STK4: variants seen among roughly 807,000 people sequenced by gnomAD.
STK4 encodes the protein serine/threonine-protein kinase 4.
A neutral mutation model predicts 64.9 loss-of-function variants in STK4; 30 were observed. The ratio of observed to expected loss-of-function variants is 0.46; its 90% CI spans 0.35 to 0.63. The LOEUF (loss-of-function observed/expected upper bound fraction) is 0.63, where lower values mean the gene tolerates loss of function less well. Among genes scored for constraint, STK4 ranks in the 20% least tolerant of loss-of-function variants. The pLI, the probability that STK4 is intolerant of heterozygous loss-of-function variation, is 0.01. For synonymous variants in STK4, 177 were observed against 199.0 expected (o/e 0.89, Z 0.93); for missense variants, 466 against 598.5 (o/e 0.78, Z 2.31).
intron 2 of STK4, chr20:44,973,285 A>T (rs552735030): frequency 6.6e-6 from 1 of 152,310 alleles, no homozygotes; most frequent in South Asian, 2.1e-4. Flanking sequence ...AACATGAGTC[A>T]TCGTCTTTTT....
intron 10 of STK4, among the ~76,000 whole-genome samples, chr20:45,054,553 C>A (rs115590239): frequency 0.025 from 3,611 of 145,882 alleles, 159 homozygotes; most frequent in African/African-American, 0.083. Context: ...CAGTGGGACA[C>A]CCTATCTTTT....
chr20:44,971,538 G>T (rs16985365), intron 1 of STK4, among the ~76,000 whole-genome samples: 10,201 of 151,958 alleles, frequency 0.067, 1,125 homozygotes, highest in African/African-American at 0.23. Context: ...TCAATTCATA[G>T]TTACCTTACA....
chr20:45,017,943 T>C (rs1201302328), intron 9 of STK4, among the ~76,000 whole-genome samples: 1 of 152,208 alleles, frequency 6.6e-6, no homozygotes, highest in Non-Finnish European at 1.5e-5. Context: ...GGGAACCTTA[T>C]AACTTATGAT....
chr20:45,030,458 T>C (rs2068424603), intron 10 of STK4, among the ~76,000 whole-genome samples: 1 of 152,204 alleles, frequency 6.6e-6, no homozygotes, highest in Middle Eastern at 3.2e-3. Flanking sequence ...TATTTAATTA[T>C]GAAAAAAGAT....
At chr20:45,035,619 C>A (rs188034660) in intron 10 of STK4, among the ~76,000 whole-genome samples, 1 of 152,274 alleles carries the variant, frequency 6.6e-6, no homozygotes, top group East Asian at 1.9e-4. Flanking sequence ...TCTGTGTGTA[C>A]TATGTGTGAA....
chr20:45,046,456 A>AG (rs1397479952), intron 10 of STK4, among the ~76,000 whole-genome samples: 1 of 151,688 alleles, frequency 6.6e-6, no homozygotes, highest in African/African-American at 2.4e-5. Flanking sequence ...GAAAAAAAAA[A>AG]AAAAGCAAAT....
intron 9 of STK4, among the ~76,000 whole-genome samples, chr20:45,010,326 A>G (rs2068023051): frequency 6.6e-6 from 1 of 152,030 alleles, no homozygotes; most frequent in African/African-American, 2.4e-5. Flanking sequence ...CTGCCTCCCA[A>G]AGTGCTGGGA....
At chr20:45,026,835 C>A (rs937400425) in intron 10 of STK4, among the ~76,000 whole-genome samples, 1 of 152,120 alleles carries the variant, frequency 6.6e-6, no homozygotes, top group African/African-American at 2.4e-5. Context: ...CCTTTGGCAC[C>A]CATCTGTTCC....
chr20:45,057,989 T>G (rs1392120830), intron 10 of STK4, among the ~76,000 whole-genome samples: 1 of 152,038 alleles, frequency 6.6e-6, no homozygotes, highest in Non-Finnish European at 1.5e-5. Flanking sequence ...AAACCTATCT[T>G]TTTTAGAGTC....
rs954227010 is a variant in STK4 at position 45,001,155 on chromosome 20, A to T, written c.961-12A>T. On this transcript the variant is annotated splice_polypyrimidine_tract_variant and intron_variant, in intron 8 of 10. Transcript: ENST00000372806. ...CAAATTAGCCCCAATTTGAGATTGT[A>T]TCCTTTTACAGGAAGAGGATGAAAT... 5 of 1,598,906 alleles carry T rather than the reference A, an allele frequency of 3.1e-6. No homozygotes were observed. In the African/African-American group the frequency reaches 4.0e-5, roughly 13 times the overall value.
At chr20:45,059,026 G>A (rs1250351763) in intron 10 of STK4, among the ~76,000 whole-genome samples, 1 of 152,064 alleles carries the variant, frequency 6.6e-6, no homozygotes, top group Non-Finnish European at 1.5e-5. Flanking sequence ...TTGTCAATGG[G>A]GGAATATGTT....
At chr20:45,066,853 T>A (rs1342754260) in intron 10 of STK4, among the ~76,000 whole-genome samples, 2 of 152,190 alleles carry the variant, frequency 1.3e-5, no homozygotes, top group Admixed American at 1.3e-4. Flanking sequence ...CCCACAAGGC[T>A]TATTTAAGGA....
intron 1 of STK4, among the ~76,000 whole-genome samples, chr20:44,968,997 C>T (rs62208311): frequency 6.6e-6 from 1 of 152,132 alleles, no homozygotes; most frequent in Admixed American, 6.5e-5. Context: ...GACGCCTTTG[C>T]TTGACTCGTA....
At chr20:45,008,696 G>A (rs541365326) in intron 9 of STK4, among the ~76,000 whole-genome samples, 1 of 152,200 alleles carries the variant, frequency 6.6e-6, no homozygotes, top group Admixed American at 6.5e-5. Flanking sequence ...ACCAGCATCT[G>A]TTGTTTTCTG....
At chr20:44,972,029 G>A in intron 1 of STK4, 49 bp from the exon 2 acceptor site, 1 of 1,549,928 alleles carries the variant, frequency 6.5e-7, no homozygotes, top group South Asian at 1.1e-5. Context: ...TTATGTTCTA[G>A]TTCCTAGCAA....
chr20:45,027,277 A>G (rs1443790197), intron 10 of STK4, among the ~76,000 whole-genome samples: 3 of 151,982 alleles, frequency 2.0e-5, no homozygotes, highest in Admixed American at 6.6e-5. Flanking sequence ...AACAATACAA[A>G]AAAATCAGCC....
intron 9 of STK4, among the ~76,000 whole-genome samples, chr20:45,014,273 A>G (rs1340731599): frequency 1.3e-5 from 2 of 150,726 alleles, no homozygotes; most frequent in Non-Finnish European, 2.9e-5. Context: ...AAAAATACAA[A>G]AAATCAGCTG....
At chr20:45,024,647 T>G (rs2068311662) in intron 9 of STK4, among the ~76,000 whole-genome samples, 1 of 152,200 alleles carries the variant, frequency 6.6e-6, no homozygotes, top group Non-Finnish European at 1.5e-5. Flanking sequence ...TAGGAGCTGT[T>G]TGCTATGGGA....
At position 45,053,182 on chromosome 20, in the gene STK4, T is replaced by C. The variant is rs768923255; in HGVS notation, c.1306-21836T>C. 4 of 1,608,584 alleles carry C rather than the reference T, an allele frequency of 2.5e-6. No individual in the cohort carries two copies. In the African/African-American group the frequency reaches 5.4e-5, roughly 22 times the overall value. ...ATACGCTTTCTGAGAAACCACATGG[T>C]AAATGAATGTCATCTTTGTCTCAGA... On this transcript the variant is annotated intron_variant, in intron 10 of 10. Transcript: ENST00000372806.
Sources: gnomAD v4.1 joint callset for allele counts (sites outside exome capture counted in the v4.1 genomes callset) on GRCh38, gnomAD v4.1.1 for gene constraint, MANE v1.5 for transcripts, NCBI Gene and HGNC (gene_info 2026-07-23, HGNC 2026-07-21) for gene names.